Variants in SNPH observed in about 807,000 individuals in gnomAD.
The protein encoded by SNPH is syntaphilin.
Under a neutral mutation model 36.8 loss-of-function variants are expected in SNPH, and 10 were observed. The observed-to-expected ratio is 0.27, with a 90% CI of 0.17 to 0.46. The LOEUF (loss-of-function observed/expected upper bound fraction) is 0.46, where lower values mean the gene tolerates loss of function less well. SNPH is among the 20% of genes least tolerant of loss of function. The pLI, the probability that SNPH is intolerant of heterozygous loss-of-function variation, is 1.00. For missense variants in SNPH, 622 were observed against 744.0 expected (o/e 0.84, Z 1.91); for synonymous variants, 281 against 312.2 (o/e 0.90, Z 1.05).
At position 1,285,311 on chromosome 20, in the gene SNPH, G is replaced by C. The variant is rs551048542; in HGVS notation, c.-492-9640G>C. On this transcript the variant is annotated intron_variant, in intron 2 of 6. Transcript: ENST00000381867. This position sits in a 1 kb window ranked among gnomAD's most constrained non-coding sequence, Gnocchi z 4.9. ...GTTTGGTAGACAATGACCGGTTTAGGGTTTTTCTTTCCTTTTCTTTTTTTG... is the reference window on the plus strand; with the variant it reads ...GTTTGGTAGACAATGACCGGTTTAGCGTTTTTCTTTCCTTTTCTTTTTTTG... Among the ~76,000 whole-genome samples, 19 of 152,202 alleles carry C rather than the reference G, an allele frequency of 1.2e-4. No individual in the cohort carries two copies. Among genetic ancestry groups the C allele is most frequent in the African/African-American group, 3.9e-4 (16 of 41,516 alleles).
At position 1,307,263 on chromosome 20, in the gene SNPH, G is replaced by C. The variant is rs2088591010; in HGVS notation, c.*1209G>C. On this transcript the variant is annotated 3_prime_UTR_variant, in exon 7 of 7. Coordinates refer to ENST00000381867, the MANE Select transcript of SNPH (RefSeq NM_001318234.2). ...AGCCACGATGTTCATCCAGGCCAAA[G>C]CAGGGTGTCCTGGGATAGGTTTCCT... The C allele has an allele frequency of 6.6e-6, 1 of 152,400 alleles. No individual in the cohort carries two copies. Among genetic ancestry groups the C allele is most frequent in the Admixed American group, 6.5e-5 (1 of 15,292 alleles). The allele number at this position is 152,400 out of a possible 1,614,324, so 9.4% of individuals were successfully genotyped here.
In SNPH at chr20:1,297,946, G is replaced by A. The variant is rs138686739; in HGVS notation, c.290+694G>A. On this transcript the variant is annotated intron_variant, in intron 5 of 6. Transcript: ENST00000381867. ...ACTGGCTTGGAAGGCGAAATGTTAC[G>A]AATGCAGCAGATGCCAAGTTGTAGT... Among the ~76,000 whole-genome samples, 30 of 152,340 alleles carry A rather than the reference G, an allele frequency of 2.0e-4. No homozygotes were observed. In the South Asian group the frequency reaches 6.0e-3, roughly 31 times the overall value.
intron 2 of SNPH, among the ~76,000 whole-genome samples, chr20:1,270,463 CT>C (rs564158239): frequency 5.8e-4 from 89 of 152,146 alleles, no homozygotes; most frequent in African/African-American, 2.1e-3. Flanking sequence ...TGGCATTGAG[CT>C]TGTGAATAAT....
rs2088581573 is a variant in SNPH at position 1,306,521 on chromosome 20, T to A, written c.*467T>A. 6.5e-6 allele frequency: 1 copy of A among 154,474 alleles called. No homozygotes were observed. Among genetic ancestry groups the A allele is most frequent in the Admixed American group, 6.5e-5 (1 of 15,324 alleles). The allele number at this position is 154,474 out of a possible 1,614,324, so 9.6% of individuals were successfully genotyped here. A position where few individuals can be genotyped will look rare whatever the true frequency, so the allele number is the denominator to read the frequency against. On this transcript the variant is annotated 3_prime_UTR_variant, in exon 7 of 7. Transcript: ENST00000381867. ...GCAGCCCAGGCTCCTGGGCCAGTGC[T>A]CTCTCCTCAAATGGAGGCAGCCATG... is the stretch of plus-strand genomic sequence containing the variant.
At chr20:1,282,266 T>C (rs1443882862) in intron 2 of SNPH, among the ~76,000 whole-genome samples, 1 of 152,222 alleles carries the variant, frequency 6.6e-6, no homozygotes, top group Non-Finnish European at 1.5e-5. Context: ...AAAATAATTA[T>C]TCACAAAGAT....
intron 2 of SNPH, among the ~76,000 whole-genome samples, chr20:1,279,503 C>A (rs1348519903): frequency 6.6e-6 from 1 of 152,132 alleles, no homozygotes; most frequent in African/African-American, 2.4e-5. Flanking sequence ...CAAATACATT[C>A]TCCCAGTGTG....
At chr20:1,283,223 G>C (rs1244082327) in intron 2 of SNPH, among the ~76,000 whole-genome samples, 1 of 152,168 alleles carries the variant, frequency 6.6e-6, no homozygotes, top group Non-Finnish European at 1.5e-5. Flanking sequence ...AACATTGCAA[G>C]GCTGCATTCT....
chr20:1,266,534 C>G lies in SNPH; in HGVS notation c.-599-120C>G, dbSNP rs983591098. On this transcript the variant is annotated intron_variant, in intron 1 of 6. Coordinates refer to ENST00000381867, the MANE Select transcript of SNPH (RefSeq NM_001318234.2). The surrounding 1 kb of genome is among the most constrained non-coding windows in gnomAD (Gnocchi z 6.0). ...GGGGACGGAGCACCCGGCAGGCAGC[C>G]TGCCCTCCAAGCCTTCTGGCTGCAG... 69 of 1,335,746 alleles carry G rather than the reference C, an allele frequency of 5.2e-5. No individual in the cohort carries two copies. The South Asian group carries it at 5.3e-4, about 10-fold the overall frequency. 82.7% of individuals were successfully genotyped at this position (1,335,746 alleles called of 1,614,324 possible). A position where few individuals can be genotyped will look rare whatever the true frequency, so the allele number is the denominator to read the frequency against.
rs1196318936 is a variant in SNPH, at chr20:1,294,246, G to A, written c.-492-705G>A. 6.6e-6 allele frequency among the ~76,000 whole-genome samples: 1 copy of A among 152,192 alleles called. No individual in the cohort carries two copies. The highest frequency in any genetic ancestry group is 1.5e-5 in the Non-Finnish European group (1 of 68,030). ...CTTCAAGTAATGGGCCAAGGCAGAC[G>A]AGAGCACTCAGCATGGCCACCTTAC... On this transcript the variant is annotated intron_variant, in intron 2 of 6. Transcript: ENST00000381867. This position sits in a 1 kb window ranked among gnomAD's most constrained non-coding sequence, Gnocchi z 4.4.
At chr20:1,280,097 G>C (rs1398559451) in intron 2 of SNPH, among the ~76,000 whole-genome samples, 2 of 152,232 alleles carry the variant, frequency 1.3e-5, no homozygotes, top group African/African-American at 2.4e-5. Flanking sequence ...GGACTGGCCG[G>C]AGCGGTGCCC....
chr20:1,306,044 C>A lies in SNPH; in HGVS notation c.1607C>A (p.Ser536Tyr), dbSNP rs540231365. ...AGTCCCAGCCCAGCGGGCGGCGGCTCCCAGCTCTGAGGGGGCCCATTCTGG... is the reference window on the plus strand; with the variant it reads ...AGTCCCAGCCCAGCGGGCGGCGGCTACCAGCTCTGAGGGGGCCCATTCTGG... ...QPSPSPAGGG[S>Y]QL The change falls in exon 7 of 7, where the codon TCC (serine) becomes TAC (tyrosine). Residue 536 changes from serine to tyrosine, a missense_variant. Physicochemically the swap from Ser to Tyr is moderately radical, Grantham distance 144. Around this residue, in one of 3 missense-constraint regions of SNPH, gnomAD observed 379 missense variants for 427.9 expected, o/e 0.89. Transcript: ENST00000381867. The A allele has an allele frequency of 2.0e-6, 3 of 1,467,242 alleles. No individual in the cohort carries two copies. The South Asian group carries it at 4.1e-5, about 20-fold the overall frequency. The allele number at this position is 1,467,242 out of a possible 1,614,324, so 90.9% of individuals were successfully genotyped here.
intron 2 of SNPH, among the ~76,000 whole-genome samples, chr20:1,291,789 AGTACATACAGGGACTTTTG>A (rs2088364993): frequency 1.3e-5 from 2 of 152,386 alleles, no homozygotes; most frequent in East Asian, 3.9e-4. Flanking sequence ...GATAAATTAT[AGTACATACAGGGACTTTTG>A]CTTAGCTGGA....
chr20:1,273,912 G>T (rs2088100878), intron 2 of SNPH, among the ~76,000 whole-genome samples: 1 of 152,170 alleles, frequency 6.6e-6, no homozygotes, highest in African/African-American at 2.4e-5. Context: ...CGGCTGTGTA[G>T]CAGAGCCTAC....
At chr20:1,279,994 T>C (rs1278250963) in intron 2 of SNPH, among the ~76,000 whole-genome samples, 1 of 152,186 alleles carries the variant, frequency 6.6e-6, no homozygotes, top group Non-Finnish European at 1.5e-5. Context: ...TCAGTGCCAA[T>C]GCCATCAAAA....
chr20:1,283,699 C>T (rs1193482432), intron 2 of SNPH, among the ~76,000 whole-genome samples: 1 of 152,188 alleles, frequency 6.6e-6, no homozygotes, highest in Non-Finnish European at 1.5e-5. Flanking sequence ...CCGTAGTCAC[C>T]TGTCTCTGAG....
In SNPH at chr20:1,305,547, C is replaced by T; in HGVS notation, c.1110C>T (p.Asp370=). The change falls in exon 7 of 7, where the codon GAC becomes GAT. Residue 370 remains aspartate (D), a synonymous_variant. Coordinates refer to ENST00000381867, the MANE Select transcript of SNPH (RefSeq NM_001318234.2). ...TCGTGCAGTACCAGCCTGACCTTGA[C>T]ACCATCCTGGAGAAAGTGACCCAGG... ...TDFVQYQPDL[D]TILEKVTQAQ... is the part of the protein sequence containing the mutation. The T allele has an allele frequency of 6.2e-7, 1 of 1,613,386 alleles. No individual in the cohort carries two copies. Among genetic ancestry groups the T allele is most frequent in the Non-Finnish European group, 8.5e-7 (1 of 1,180,010 alleles).
chr20:1,267,934 T>C (rs1362290949), intron 2 of SNPH, among the ~76,000 whole-genome samples: 5 of 152,254 alleles, frequency 3.3e-5, no homozygotes, highest in South Asian at 4.1e-4. Flanking sequence ...TTAAATGAGA[T>C]GTATGTGGAA....
Position 1,294,071 on chromosome 20 carries a change from C to T in SNPH, c.-492-880C>T, listed in dbSNP as rs745906313. Among the ~76,000 whole-genome samples, 96 of 152,272 alleles carry T rather than the reference C, an allele frequency of 6.3e-4. No homozygotes were observed. Among genetic ancestry groups the T allele is most frequent in the Non-Finnish European group, 1.2e-3 (85 of 68,010 alleles). ...TGAAGGCTCAGCCTCCTTTTTGCAT[C>T]CTCCCAAAAGCCAGAAGGGCAGGGA... On this transcript the variant is annotated intron_variant, in intron 2 of 6. Coordinates refer to ENST00000381867, the MANE Select transcript of SNPH (RefSeq NM_001318234.2). The surrounding 1 kb of genome is among the most constrained non-coding windows in gnomAD (Gnocchi z 4.4).
In SNPH at chr20:1,296,338, G is replaced by A. The variant is rs73073678; in HGVS notation, c.99G>A (p.Pro33=). 51 of 1,577,468 alleles carry A rather than the reference G, an allele frequency of 3.2e-5. No individual in the cohort carries two copies. Among genetic ancestry groups the A allele is most frequent in the Non-Finnish European group, 4.1e-5 (47 of 1,158,984 alleles). Residue 33 remains proline (P), a synonymous_variant, in exon 4 of 7, where the codon CCG becomes CCA. Coordinates refer to ENST00000381867, the MANE Select transcript of SNPH (RefSeq NM_001318234.2). ...CTCTCTCCTCAGCCCCCGGGATACC[G>A]CCCATCCCACCCCTTACTCGGACCC... ...TRPLSSAPGI[P]PIPPLTRTHS...
Sources: gnomAD v4.1 joint callset for allele counts (sites outside exome capture counted in the v4.1 genomes callset) on GRCh38, gnomAD v4.1.1 for gene constraint, gnomAD v4.1.1 regional missense constraint, Gnocchi (gnomAD v3.1) non-coding constraint, MANE v1.5 for transcripts, NCBI Gene and HGNC (gene_info 2026-07-23, HGNC 2026-07-21) for gene names.